The following AGTPBP1 variants were observed in gnomAD, a reference collection of about 807,000 sequenced individuals.
AGTPBP1 encodes the protein cytosolic carboxypeptidase 1.
A neutral mutation model predicts 143.9 loss-of-function variants in AGTPBP1; 70 were observed. The ratio of observed to expected loss-of-function variants is 0.49; its 90% CI spans 0.40 to 0.59. The LOEUF is 0.59. AGTPBP1 is among the 20% of genes least tolerant of loss of function. AGTPBP1 has a pLI of 0.00. For missense variants in AGTPBP1, 1,229 were observed against 1,464.5 expected (o/e 0.84, Z 2.62); for synonymous variants, 463 against 500.2 (o/e 0.93, Z 0.99).
chr9:85,589,198 C>T (rs1828798703), intron 20 of AGTPBP1, among the ~76,000 whole-genome samples: 1 of 152,074 alleles, frequency 6.6e-6, no homozygotes, highest in African/African-American at 2.4e-5. Context: ...CAAGTAAAAT[C>T]AGTCCATTTC....
At chr9:85,628,159 G>A (rs1164007119) in intron 14 of AGTPBP1, among the ~76,000 whole-genome samples, 1 of 152,120 alleles carries the variant, frequency 6.6e-6, no homozygotes, top group Non-Finnish European at 1.5e-5. Flanking sequence ...TCATGGCTAA[G>A]GTGATTAACA....
At chr9:85,700,012 C>T (rs1207068082) in intron 2 of AGTPBP1, among the ~76,000 whole-genome samples, 1 of 152,124 alleles carries the variant, frequency 6.6e-6, no homozygotes, top group African/African-American at 2.4e-5. Flanking sequence ...ATGTCTGGCT[C>T]AGTAGAAGAC....
upstream of AGTPBP1, among the ~76,000 whole-genome samples, chr9:85,746,730 G>T (rs551329686): frequency 8.5e-5 from 13 of 152,078 alleles, no homozygotes; most frequent in East Asian, 2.3e-3. Context: ...TTTGCTAAGA[G>T]AGTGGATTTC....
At chr9:85,786,582 C>T in the AGTPBP1 span, 1 of 1,612,326 alleles carries the variant, frequency 6.2e-7, no homozygotes, top group South Asian at 1.1e-5. Flanking sequence ...AAAACTTAGA[C>T]ATTGAATAAT....
chr9:85,611,999 A>C (rs1189095192), intron 17 of AGTPBP1, among the ~76,000 whole-genome samples: 2 of 151,734 alleles, frequency 1.3e-5, no homozygotes, highest in African/African-American at 4.8e-5. Context: ...ATAATAAGAA[A>C]TCTCTCTCTA....
At chr9:85,681,427 C>A in intron 3 of AGTPBP1, 92 bp from the exon 4 acceptor site, 1 of 1,000,306 alleles carries the variant, frequency 1.0e-6, no homozygotes. Flanking sequence ...TTCAACAAGT[C>A]TCCACTGGTA....
At chr9:85,557,794 A>G (rs912995017) in intron 25 of AGTPBP1, among the ~76,000 whole-genome samples, 6 of 152,230 alleles carry the variant, frequency 3.9e-5, no homozygotes, top group African/African-American at 1.2e-4. Context: ...GCTTCACATA[A>G]GGAAAATACA....
chr9:85,719,972 T>C (rs1837992105), intron 1 of AGTPBP1, among the ~76,000 whole-genome samples: 1 of 152,230 alleles, frequency 6.6e-6, no homozygotes, highest in South Asian at 2.1e-4. Flanking sequence ...TTTATTGATT[T>C]GCGTATGTTG....
chr9:85,768,342 A>G, the AGTPBP1 span, among the ~76,000 whole-genome samples: 2 of 152,232 alleles, frequency 1.3e-5, no homozygotes, highest in South Asian at 2.1e-4. Flanking sequence ...CAAGTACAGT[A>G]AAGTCCTCAC....
chr9:85,633,974 C>T (rs1831860136), intron 13 of AGTPBP1, among the ~76,000 whole-genome samples: 2 of 151,198 alleles, frequency 1.3e-5, no homozygotes, highest in African/African-American at 4.9e-5. Context: ...GGGAGATGAC[C>T]TGAGGTCAGG....
chr9:85,566,451 G>T (rs1198889000), intron 25 of AGTPBP1, among the ~76,000 whole-genome samples: 1 of 147,402 alleles, frequency 6.8e-6, no homozygotes, highest in African/African-American at 2.5e-5. Context: ...GACTGCTTGA[G>T]CCCAGGAGGT....
chr9:85,774,816 G>A, the AGTPBP1 span, among the ~76,000 whole-genome samples: 1 of 152,190 alleles, frequency 6.6e-6, no homozygotes, highest in Non-Finnish European at 1.5e-5. Context: ...GAGGCAATTT[G>A]CTTCTAAGTT....
chr9:85,758,352 G>C, the AGTPBP1 span, among the ~76,000 whole-genome samples: 2 of 152,096 alleles, frequency 1.3e-5, no homozygotes, highest in East Asian at 3.9e-4. Context: ...AATTAAAAGG[G>C]TTGGAGGATA....
chr9:85,613,175 CTTAATA>C (rs1193527704), intron 17 of AGTPBP1, among the ~76,000 whole-genome samples: 3 of 151,590 alleles, frequency 2.0e-5, no homozygotes, highest in African/African-American at 7.3e-5. Context: ...ACAAGGAGAT[CTTAATA>C]TTAAAATTTG....
Position 85,575,342 on chromosome 9 carries a change from A to G in AGTPBP1, c.3476T>C (p.Leu1159Ser). 6.3e-7 allele frequency: 1 copy of G among 1,599,394 alleles called. No homozygotes were observed. Among genetic ancestry groups the G allele is most frequent in the Non-Finnish European group, 8.5e-7 (1 of 1,175,828 alleles). ...AGTTACTTTGCAGCTTGATTCAATT[A>G]AATCATTTTCAAAGTCAAGCAGGCT... ...PSSLLDFEND[L>S]IESSCKVTSP... Residue 1159 changes from leucine (L) to serine (S), a missense_variant, in exon 25 of 26, where the codon TTA becomes TCA. Leu to Ser is a moderately radical substitution (Grantham distance 145). Coordinates refer to ENST00000357081, the MANE Select transcript of AGTPBP1 (RefSeq NM_001330701.2).
intron 24 of AGTPBP1, among the ~76,000 whole-genome samples, chr9:85,577,327 T>C (rs1301330134): frequency 6.6e-6 from 1 of 152,208 alleles, no homozygotes; most frequent in Non-Finnish European, 1.5e-5. Flanking sequence ...ATTAACAATG[T>C]ATTTCCATAA....
chr9:85,623,661 G>T (rs1411940171), intron 14 of AGTPBP1, among the ~76,000 whole-genome samples: 1 of 151,866 alleles, frequency 6.6e-6, no homozygotes, highest in Admixed American at 6.6e-5. Context: ...AGAGGCTGAG[G>T]CAGGAGAATT....
chr9:85,791,781 G>C, the AGTPBP1 span, among the ~76,000 whole-genome samples: 2,554 of 151,230 alleles, frequency 0.017, 75 homozygotes, highest in African/African-American at 0.058. Context: ...TTTTCATACT[G>C]GTATATTTTT....
intron 25 of AGTPBP1, among the ~76,000 whole-genome samples, chr9:85,566,440 G>A (rs1827099404): frequency 6.7e-6 from 1 of 149,956 alleles, no homozygotes; most frequent in Non-Finnish European, 1.5e-5. Context: ...CGAGATGGGA[G>A]GACTGCTTGA....
Sources: gnomAD v4.1 joint callset for allele counts (sites outside exome capture counted in the v4.1 genomes callset) on GRCh38, gnomAD v4.1.1 for gene constraint, MANE v1.5 for transcripts, NCBI Gene and HGNC (gene_info 2026-07-23, HGNC 2026-07-21) for gene names.